Variants in EPPK1 observed in about 807,000 individuals in gnomAD.
The protein encoded by EPPK1 is epiplakin 1, also known as epiplakin.
For missense variants in EPPK1, 3,823 were observed against 3,673.3 expected (o/e 1.04, Z -1.05); for synonymous variants, 1,862 against 1,721.2 (o/e 1.08, Z -2.03).
In EPPK1 at chr8:143,870,699, C is replaced by G. The variant is rs781877845; in HGVS notation, c.2555G>C (p.Arg852Pro). 1.9e-6 allele frequency: 3 copies of G among 1,610,374 alleles called. No homozygotes were observed. The highest frequency in any genetic ancestry group is 2.2e-5 in the South Asian group (2 of 90,756). Residue 852 changes from arginine to proline, a missense_variant, in exon 2 of 2, where the codon CGT becomes CCT. Physicochemically the swap from Arg to Pro is moderately radical, Grantham distance 103. Transcript: ENST00000615648. This position sits in a 1 kb window ranked among gnomAD's most constrained non-coding sequence, Gnocchi z 5.2. ...FSEGRRRQLLRRYRQREVTLG... is the reference protein window; with the variant it reads ...FSEGRRRQLLPRYRQREVTLG... ...CGTGACCTCGCGCTGCCGGTAGCGA[C>G]GCAGCAGCTGCCTCCTGCGGCCCTC...
At chr8:143,875,468 C>T (rs1388458914) in intron 1 of EPPK1, among the ~76,000 whole-genome samples, 1 of 152,252 alleles carries the variant, frequency 6.6e-6, no homozygotes, top group African/African-American at 2.4e-5. Flanking sequence ...CCTCACTGGC[C>T]GAGTGCAGAG....
chr8:143,857,618 A>G lies in EPPK1; in HGVS notation c.*369T>C. 4.2e-6 allele frequency: 1 copy of G among 238,634 alleles called. No individual in the cohort carries two copies. Among genetic ancestry groups the G allele is most frequent in the Non-Finnish European group, 8.0e-6 (1 of 124,914 alleles). The allele number at this position is 238,634 out of a possible 1,614,324, so 14.8% of individuals were successfully genotyped here. A position where few individuals can be genotyped will look rare whatever the true frequency, so the allele number is the denominator to read the frequency against. ...AGGGAAATAACCGCATGTAATAAAA[A>G]TTACACTGCAACAAGAGTACCCGAT... On this transcript the variant is annotated 3_prime_UTR_variant, in exon 2 of 2. Coordinates refer to ENST00000615648, the MANE Select transcript of EPPK1 (RefSeq NM_031308.4).
Position 143,867,576 on chromosome 8 carries a change from A to G in EPPK1, c.5678T>C (p.Leu1893Pro). 3.7e-6 allele frequency: 6 copies of G among 1,612,878 alleles called. No individual in the cohort carries two copies. The highest frequency in any genetic ancestry group is 5.1e-6 in the Non-Finnish European group (6 of 1,179,806). Reference protein sequence around the residue: ...LSTLECVKPYLEGSGCIAGVT... With the variant: ...LSTLECVKPYPEGSGCIAGVT... ...CCCCGCAATGCAGCCGCTGCCTTCC[A>G]GATAGGGCTTCACACACTCCAGCGT... Residue 1893 changes from leucine to proline, a missense_variant, in exon 2 of 2, where the codon CTG (leucine) becomes CCG (proline). Leu to Pro is a moderately conservative substitution (Grantham distance 98). Coordinates refer to ENST00000615648, the MANE Select transcript of EPPK1 (RefSeq NM_031308.4).
chr8:143,866,780 G>A lies in EPPK1; in HGVS notation c.6474C>T (p.Ile2158=). Residue 2158 remains isoleucine, a synonymous_variant, in exon 2 of 2, where the codon ATC becomes ATT. Transcript: ENST00000615648. ...RRALQTVAQL[I]LELIEKQETS... ...TTTCCTGCTTCTCGATCAACTCTAA[G>A]ATGAGCTGCGCTACCGTCTGCAGTG... The A allele has an allele frequency of 6.2e-7, 1 of 1,613,494 alleles. No individual in the cohort carries two copies. Among genetic ancestry groups the A allele is most frequent in the South Asian group, 1.1e-5 (1 of 91,086 alleles).
rs781802244 is a variant in EPPK1 at position 143,866,633 on chromosome 8, C to A, written c.6621G>T (p.Thr2207=). Residue 2207 remains threonine, a synonymous_variant, in exon 2 of 2, where the codon ACG becomes ACT. Coordinates refer to ENST00000615648, the MANE Select transcript of EPPK1 (RefSeq NM_031308.4). ...CGCGGTCGTCCTCCATGAGCTCTTG[C>A]GTCGTGCTCCGTCCCGTTTCCAGGT... is the stretch of plus-strand genomic sequence containing the variant. ...LQDLETGRST[T]QELMEDDRVK... The A allele has an allele frequency of 4.3e-6, 7 of 1,612,872 alleles. No homozygotes were observed. The African/African-American group carries it at 6.7e-5, about 15-fold the overall frequency.
intron 1 of EPPK1, among the ~76,000 whole-genome samples, chr8:143,876,257 C>A (rs1291886768): frequency 6.6e-6 from 1 of 152,156 alleles, no homozygotes; most frequent in East Asian, 1.9e-4. Flanking sequence ...CACCCCCAGC[C>A]CTAGAGGGGA....
Position 143,869,557 on chromosome 8 carries a change from C to T in EPPK1, c.3697G>A (p.Ala1233Thr), listed in dbSNP as rs149888978. ...CAGGCCTTCACCGCCGGCTGCTCGG[C>T]GACCTGGGCGGGCGACTGCGTGCCC... ...AQGTQSPAQV[A>T]EQPAVKACLW... The change falls in exon 2 of 2, where the codon GCC (alanine) becomes ACC (threonine). Residue 1233 changes from alanine to threonine, a missense_variant. Physicochemically the swap from Ala to Thr is moderately conservative, Grantham distance 58. Coordinates refer to ENST00000615648, the MANE Select transcript of EPPK1 (RefSeq NM_031308.4). The T allele has an allele frequency of 4.3e-4, 668 of 1,558,082 alleles. 4 individuals are homozygous for T. The African/African-American group carries it at 7.6e-3, about 18-fold the overall frequency.
At chr8:143,874,179 C>A (rs1274750187) in intron 1 of EPPK1, among the ~76,000 whole-genome samples, 1 of 152,242 alleles carries the variant, frequency 6.6e-6, no homozygotes, top group African/African-American at 2.4e-5. Context: ...TGCGCCAACC[C>A]CTTCCACACA....
Position 143,866,968 on chromosome 8 carries a change from C to G in EPPK1, c.6286G>C (p.Asp2096His), listed in dbSNP as rs532157702. The G allele has an allele frequency of 1.9e-6, 3 of 1,612,812 alleles. No homozygotes were observed. Among genetic ancestry groups the G allele is most frequent in the Admixed American group, 1.7e-5 (1 of 60,024 alleles). ...TCCAGGGCCCTTCTCGTCTCGTCAT[C>G]GATGTGCTCGGAGTCCCGTGCAGCC... ...NKAARDSEHIDDETRRALEAE... is the reference protein window; with the variant it reads ...NKAARDSEHIHDETRRALEAE... Residue 2096 changes from aspartate (D) to histidine (H), a missense_variant, in exon 2 of 2, where the codon GAT becomes CAT. Transcript: ENST00000615648.
intron 1 of EPPK1, among the ~76,000 whole-genome samples, chr8:143,876,869 T>TG (rs1472232181): frequency 1.0e-3 from 133 of 130,018 alleles, no homozygotes; most frequent in Non-Finnish European, 1.8e-3. Flanking sequence ...CGGGCCAGGG[T>TG]GGGGCAGGGC....
In EPPK1 at chr8:143,866,563, C is replaced by G; in HGVS notation, c.6691G>C (p.Val2231Leu). The change falls in exon 2 of 2, where the codon GTG (valine) becomes CTG (leucine). Residue 2231 changes from valine (V) to leucine (L), a missense_variant. Physicochemically the swap from Val to Leu is conservative, Grantham distance 32. Transcript: ENST00000615648. Reference sequence around the variant, plus strand: ...CGGCCGGGCTGGTCCTTGGCGGGCACCAGGACGCCCGCGATGCAGCTGGTG... The same window carrying G: ...CGGCCGGGCTGGTCCTTGGCGGGCAGCAGGACGCCCGCGATGCAGCTGGTG... ...EGTSCIAGVL[V>L]PAKDQPGRQE... The G allele has an allele frequency of 1.9e-6, 3 of 1,607,792 alleles. No homozygotes were observed. Among genetic ancestry groups the G allele is most frequent in the Admixed American group, 1.7e-5 (1 of 59,448 alleles).
chr8:143,857,811 G>A lies in EPPK1; in HGVS notation c.*176C>T. ...AAAAAACTTATGAAACACCTCGATG[G>A]ACAAAGGAAAAGTTTCTGTCACATG... On this transcript the variant is annotated 3_prime_UTR_variant, in exon 2 of 2. Transcript: ENST00000615648. 1 of 533,076 alleles carries A rather than the reference G, an allele frequency of 1.9e-6. No individual in the cohort carries two copies. The highest frequency in any genetic ancestry group is 3.1e-6 in the Non-Finnish European group (1 of 324,406). 33.0% of individuals were successfully genotyped at this position (533,076 alleles called of 1,614,324 possible).
chr8:143,868,872 C>T lies in EPPK1; in HGVS notation c.4382G>A (p.Arg1461Lys), dbSNP rs1554660125. The T allele has an allele frequency of 1.2e-6, 2 of 1,610,400 alleles. No individual in the cohort carries two copies. Among genetic ancestry groups the T allele is most frequent in the African/African-American group, 1.3e-5 (1 of 74,932 alleles). The change falls in exon 2 of 2, where the codon AGG becomes AAG. Residue 1461 changes from arginine to lysine, a missense_variant. Arg to Lys is a conservative substitution (Grantham distance 26, BLOSUM62 2). Transcript: ENST00000615648. ...RAMKVPVSTG[R>K]FKGCSVSLWD... ...GAGTGACACGCTACACCCCTTAAAC[C>T]TCCCTGTGCTGACGGGCACCTTCAT...
chr8:143,868,767 G>A lies in EPPK1; in HGVS notation c.4487C>T (p.Ala1496Val), dbSNP rs782143817. Residue 1496 changes from alanine to valine, a missense_variant, in exon 2 of 2, where the codon GCG becomes GTG. Physicochemically the swap from Ala to Val is moderately conservative, Grantham distance 64 (BLOSUM62 0). Transcript: ENST00000615648. ...TGCGCTGACCACCTGCCGCAGGGCC[G>A]CAGCCCTCCCAGACCGACAGAGTGC... Reference protein sequence around the residue: ...LVALCRSGRAAALRQVVSAVT... With the variant: ...LVALCRSGRAVALRQVVSAVT... The A allele has an allele frequency of 1.9e-5, 30 of 1,593,684 alleles. No individual in the cohort carries two copies. In the African/African-American group the frequency reaches 2.0e-4, roughly 11 times the overall value.
chr8:143,868,220 G>A lies in EPPK1; in HGVS notation c.5034C>T (p.Ile1678=), dbSNP rs782182977. ...TGGCGATCTGGGCCTCCAGCAGGCG[G>A]ATGCCGTGCTCCCGGACGATGAGGT... ...QKDLIVREHG[I]RLLEAQIATG... is the part of the protein sequence containing the mutation. Residue 1678 remains isoleucine (I), a synonymous_variant, in exon 2 of 2, where the codon ATC becomes ATT. Coordinates refer to ENST00000615648, the MANE Select transcript of EPPK1 (RefSeq NM_031308.4). 2 of 1,613,132 alleles carry A rather than the reference G, an allele frequency of 1.2e-6. No homozygotes were observed. The highest frequency in any genetic ancestry group is 3.3e-5 in the Admixed American group (2 of 60,032).
At position 143,872,030 on chromosome 8, in the gene EPPK1, T is replaced by C. The variant is rs1402873742; in HGVS notation, c.1224A>G (p.Ala408=). Reference sequence around the variant, plus strand: ...CCTCCAGGGGCAGCCGGAGCCTGCGTGCTGGACAGACCAGCCCGCCTGTGG... The same window carrying C: ...CCTCCAGGGGCAGCCGGAGCCTGCGCGCTGGACAGACCAGCCCGCCTGTGG... ...QLATGGLVCP[A]RRLRLPLEAA... Residue 408 remains alanine (A), a synonymous_variant, in exon 2 of 2, where the codon GCA becomes GCG. Coordinates refer to ENST00000615648, the MANE Select transcript of EPPK1 (RefSeq NM_031308.4). The C allele has an allele frequency of 1.3e-6, 2 of 1,561,574 alleles. No individual in the cohort carries two copies. The highest frequency in any genetic ancestry group is 1.7e-6 in the Non-Finnish European group (2 of 1,155,028).
Position 143,872,843 on chromosome 8 carries a change from G to T in EPPK1, c.411C>A (p.Ile137=), listed in dbSNP as rs549982161. 1 of 1,562,430 alleles carries T rather than the reference G, an allele frequency of 6.4e-7. No homozygotes were observed. The highest frequency in any genetic ancestry group is 8.7e-7 in the Non-Finnish European group (1 of 1,153,064). The change falls in exon 2 of 2, where the codon ATC becomes ATA. Residue 137 remains isoleucine, a synonymous_variant. Transcript: ENST00000615648. ...GGEKLALFQA[I]GKEVVDRALG... ...GGGCCCTGTCCACAACCTCCTTCCC[G>T]ATGGCCTGAAAGAGGGCCAGCTTCT...
At chr8:143,878,393 T>TGCCCGCACCCGCCGCACCTGCCCGCACCC (rs1819526278) in intron 1 of EPPK1, 45 bp downstream of exon 1, 1 of 24,550 alleles carries the variant, frequency 4.1e-5, no homozygotes, top group Non-Finnish European at 9.2e-5. Context: ...CCGCCGCACC[T>TGCCCGCACCCGCCGCACCTGCCCGCACCC]GCCCGCACCC....
rs533369972 is a variant in EPPK1 at position 143,869,452 on chromosome 8, C to A, written c.3802G>T (p.Asp1268Tyr). The A allele has an allele frequency of 8.9e-6, 14 of 1,567,216 alleles. No individual in the cohort carries two copies. The highest frequency in any genetic ancestry group is 4.7e-5 in the South Asian group (4 of 85,456). The change falls in exon 2 of 2, where the codon GAT becomes TAT. Residue 1268 changes from aspartate to tyrosine, a missense_variant. Asp to Tyr is a radical substitution (Grantham distance 160). Transcript: ENST00000615648. ...CCCAGGCCTGTGGGCAGGAGGCCAT[C>A]CCTCACGGCCTGGGCGATGCTGGCC... ...AKASIAQAVR[D>Y]GLLPTGLGQR...
Sources: gnomAD v4.1 joint callset for allele counts (sites outside exome capture counted in the v4.1 genomes callset) on GRCh38, gnomAD v4.1.1 for gene constraint, Gnocchi (gnomAD v3.1) non-coding constraint, MANE v1.5 for transcripts, NCBI Gene and HGNC (gene_info 2026-07-23, HGNC 2026-07-21) for gene names.